Variants in DLG2 observed in about 807,000 individuals in gnomAD.
DLG2 encodes disks large homolog 2.
DLG2 carries 45 observed loss-of-function variants against 132.5 expected under a neutral mutation model. The ratio of observed to expected loss-of-function variants is 0.34; its 90% CI spans 0.27 to 0.44. DLG2 has a LOEUF of 0.44. DLG2 is among the 20% of genes least tolerant of loss of function. The pLI, the probability that DLG2 is intolerant of heterozygous loss-of-function variation, is 1.00. For synonymous variants in DLG2, 424 were observed against 419.6 expected, an observed-to-expected ratio of 1.01 and a Z score of -0.13; for missense variants, 1,045 against 1,196.9, an observed-to-expected ratio of 0.87 and a Z score of 1.87.
At chr11:84,021,646 T>C (rs1340956078) in intron 11 of DLG2, among the ~76,000 whole-genome samples, 2 of 152,210 alleles carry the variant, frequency 1.3e-5, no homozygotes, top group Non-Finnish European at 2.9e-5. Context: ...TCTAGATACA[T>C]TGGATGATAT....
At chr11:85,521,573 G>A (rs1180407932) in intron 3 of DLG2, among the ~76,000 whole-genome samples, 3 of 152,176 alleles carry the variant, frequency 2.0e-5, no homozygotes, top group Non-Finnish European at 2.9e-5. Flanking sequence ...CTAACAGACA[G>A]AGGTTGGAAC....
At chr11:84,545,940 G>A (rs370027718) in intron 6 of DLG2, among the ~76,000 whole-genome samples, 10 of 151,988 alleles carry the variant, frequency 6.6e-5, no homozygotes, top group Non-Finnish European at 1.3e-4. Context: ...ATTTTTAGTA[G>A]AGATGGGGTT....
chr11:83,889,837 A>G (rs1316704112), intron 15 of DLG2, among the ~76,000 whole-genome samples: 2 of 152,120 alleles, frequency 1.3e-5, no homozygotes, highest in East Asian at 3.9e-4. Flanking sequence ...GGAAATCATC[A>G]TTCTCAGTAA....
chr11:84,331,310 G>A (rs1310745293), intron 7 of DLG2, among the ~76,000 whole-genome samples: 1 of 151,904 alleles, frequency 6.6e-6, no homozygotes, highest in Non-Finnish European at 1.5e-5. Context: ...CTGGGGTAAA[G>A]AAATTGAGGT....
intron 3 of DLG2, among the ~76,000 whole-genome samples, chr11:85,353,552 A>G (rs1444554071): frequency 1.3e-5 from 2 of 152,212 alleles, no homozygotes; most frequent in Non-Finnish European, 2.9e-5. Context: ...GGTTTATTGC[A>G]GCACTATTCA....
chr11:85,009,315 T>C (rs1384528612), intron 6 of DLG2, among the ~76,000 whole-genome samples: 1 of 152,098 alleles, frequency 6.6e-6, no homozygotes, highest in African/African-American at 2.4e-5. Context: ...AAAGTTCCAG[T>C]GAAATATCAA....
At chr11:83,473,795 A>G (rs2092346264) in intron 22 of DLG2, among the ~76,000 whole-genome samples, 1 of 152,078 alleles carries the variant, frequency 6.6e-6, no homozygotes, top group Non-Finnish European at 1.5e-5. Flanking sequence ...TATCAATGCC[A>G]GGTTTTCCTC....
chr11:85,292,522 A>G (rs1388992825), intron 3 of DLG2, among the ~76,000 whole-genome samples: 5 of 151,512 alleles, frequency 3.3e-5, no homozygotes, highest in Non-Finnish European at 5.9e-5. Flanking sequence ...TGCTGAACAC[A>G]TAAGACCAGA....
chr11:84,244,393 C>T (rs1039942245), intron 8 of DLG2, among the ~76,000 whole-genome samples: 1 of 152,118 alleles, frequency 6.6e-6, no homozygotes, highest in Non-Finnish European at 1.5e-5. Context: ...AGCATGTCGG[C>T]CAGGCTAGTC....
intron 6 of DLG2, among the ~76,000 whole-genome samples, chr11:85,028,222 G>A (rs138547234): frequency 4.2e-4 from 64 of 152,264 alleles, no homozygotes; most frequent in African/African-American, 1.5e-3. Context: ...CATCTCCAAG[G>A]TCTCTGTGAG....
chr11:83,950,551 C>T (rs190833275), intron 14 of DLG2, among the ~76,000 whole-genome samples: 120 of 152,290 alleles, frequency 7.9e-4, no homozygotes, highest in Non-Finnish European at 1.5e-3. Flanking sequence ...TGAGATCGTG[C>T]CATTGCACTC....
intron 16 of DLG2, among the ~76,000 whole-genome samples, chr11:83,854,568 C>T (rs191998892): frequency 8.5e-5 from 13 of 152,136 alleles, no homozygotes; most frequent in Middle Eastern, 3.4e-3. Context: ...TAGGTAGACA[C>T]AGACATTATA....
At chr11:85,155,869 A>G (rs1420527318) in intron 4 of DLG2, among the ~76,000 whole-genome samples, 1 of 151,958 alleles carries the variant, frequency 6.6e-6, no homozygotes, top group Admixed American at 6.6e-5. Context: ...AAAAAAAAAA[A>G]AAAAAAATCC....
chr11:83,506,240 A>G (rs1470160258), intron 21 of DLG2, among the ~76,000 whole-genome samples: 1 of 152,212 alleles, frequency 6.6e-6, no homozygotes, highest in Admixed American at 6.5e-5. Flanking sequence ...CTAAACAAGC[A>G]AACAAACTAC....
chr11:83,726,369 C>T (rs559949626), intron 18 of DLG2, among the ~76,000 whole-genome samples: 3 of 152,278 alleles, frequency 2.0e-5, no homozygotes, highest in African/African-American at 2.4e-5. Flanking sequence ...ACCACACCTA[C>T]GAGCTTGGGA....
chr11:84,533,419 T>TC (rs1268185814), intron 7 of DLG2, among the ~76,000 whole-genome samples: 1 of 152,216 alleles, frequency 6.6e-6, no homozygotes, highest in East Asian at 1.9e-4. Context: ...GCACAATGAA[T>TC]CCCAGAAGCA....
intron 3 of DLG2, among the ~76,000 whole-genome samples, chr11:85,321,805 G>A (rs902511386): frequency 2.6e-5 from 4 of 152,088 alleles, no homozygotes; most frequent in South Asian, 4.1e-4. Flanking sequence ...CAGGATCTTC[G>A]CAGGACAGGT....
At chr11:85,483,892 CAA>C (rs5793164) in intron 3 of DLG2, among the ~76,000 whole-genome samples, 94 of 85,088 alleles carry the variant, frequency 1.1e-3, no homozygotes, top group Non-Finnish European at 1.0e-3. Flanking sequence ...TGCAGTGAGC[CAA>C]AAAAAAAAAA....
At chr11:84,462,337 T>C (rs1306518443) in intron 7 of DLG2, among the ~76,000 whole-genome samples, 3 of 151,030 alleles carry the variant, frequency 2.0e-5, no homozygotes, top group South Asian at 2.1e-4. Context: ...TGACTATATA[T>C]ACTAACATTT....
Sources: allele counts gnomAD v4.1 joint callset (sites outside exome capture counted in the v4.1 genomes callset), GRCh38; gene constraint gnomAD v4.1.1; transcripts MANE v1.5; gene names NCBI Gene and HGNC (gene_info 2026-07-23, HGNC 2026-07-21).